FHIT: variants seen among roughly 807,000 people sequenced by gnomAD.
The protein encoded by FHIT is fragile histidine triad diadenosine triphosphatase.
In FHIT, 19 loss-of-function variants were observed where a neutral mutation model predicts 17.9. The ratio of observed to expected loss-of-function variants is 1.06; its 90% CI spans 0.74 to 1.56. The LOEUF is 1.56. FHIT is among the 40% of genes most tolerant of loss of function. The pLI, the probability that FHIT is intolerant of heterozygous loss-of-function variation, is 0.00. For synonymous variants in FHIT, 81 were observed against 69.7 expected (o/e 1.16, Z -0.81); for missense variants, 248 against 189.2 (o/e 1.31, Z -1.82).
chr3:61,202,731 A>G lies in FHIT; in HGVS notation c.-212-2066T>C, dbSNP rs192251702. On this transcript the variant is annotated intron_variant, in intron 1 of 9. Transcript: ENST00000492590. ...AGGGAAAAAAAAGAGACTTCTAGCAAAAGAACATGTCATTAGCAAAAATGA... is the reference window on the plus strand; with the variant it reads ...AGGGAAAAAAAAGAGACTTCTAGCAGAAGAACATGTCATTAGCAAAAATGA... 1.3e-3 allele frequency among the ~76,000 whole-genome samples: 196 copies of G among 152,338 alleles called. 1 individual carries two copies. Among genetic ancestry groups the G allele is most frequent in the African/African-American group, 4.6e-3 (191 of 41,584 alleles).
chr3:60,572,592 T>C (rs1303206803), intron 4 of FHIT, among the ~76,000 whole-genome samples: 1 of 152,172 alleles, frequency 6.6e-6, no homozygotes, highest in East Asian at 1.9e-4. Flanking sequence ...GTATCCAATG[T>C]GAATTCCATC....
chr3:60,168,617 T>C (rs959212308), intron 5 of FHIT, among the ~76,000 whole-genome samples: 5 of 152,200 alleles, frequency 3.3e-5, no homozygotes, highest in East Asian at 1.9e-4. Context: ...GTTGAGATTA[T>C]TGACTTCACT....
intron 2 of FHIT, among the ~76,000 whole-genome samples, chr3:61,080,811 C>T (rs1559966126): frequency 6.6e-6 from 1 of 151,750 alleles, no homozygotes; most frequent in Non-Finnish European, 1.5e-5. Flanking sequence ...AATGGGGAAA[C>T]ATTCCTGGCT....
intron 2 of FHIT, among the ~76,000 whole-genome samples, chr3:61,105,071 T>C (rs1208350543): frequency 1.3e-5 from 2 of 152,168 alleles, no homozygotes; most frequent in Non-Finnish European, 1.5e-5. Flanking sequence ...TTTCTGTTAT[T>C]TCAGCCATCT....
chr3:60,376,555 G>A (rs1166950450), intron 5 of FHIT, among the ~76,000 whole-genome samples: 2 of 152,260 alleles, frequency 1.3e-5, no homozygotes, highest in Middle Eastern at 6.8e-3. Flanking sequence ...TCTAAAATCT[G>A]TTGTGGTTGT....
At chr3:60,936,015 T>C (rs1282427804) in intron 3 of FHIT, among the ~76,000 whole-genome samples, 5 of 152,196 alleles carry the variant, frequency 3.3e-5, no homozygotes, top group African/African-American at 1.2e-4. Flanking sequence ...CAGAAACTTT[T>C]TTCTGTTGTG....
chr3:60,449,098 A>G (rs2031542615), intron 5 of FHIT, among the ~76,000 whole-genome samples: 1 of 152,212 alleles, frequency 6.6e-6, no homozygotes, highest in African/African-American at 2.4e-5. Flanking sequence ...GTTACTTCCC[A>G]GAATGCGGCT....
chr3:61,205,568 G>A (rs2039197550), intron 1 of FHIT, among the ~76,000 whole-genome samples: 1 of 152,130 alleles, frequency 6.6e-6, no homozygotes. Flanking sequence ...GTCTCTGATG[G>A]CCAGTGATGG....
chr3:60,848,787 T>C (rs890099987), intron 3 of FHIT, among the ~76,000 whole-genome samples: 20 of 152,156 alleles, frequency 1.3e-4, no homozygotes, highest in African/African-American at 4.8e-4. Context: ...TTTTTATTGT[T>C]ATGAGTTAAA....
intron 4 of FHIT, among the ~76,000 whole-genome samples, chr3:60,575,740 G>C (rs2037541867): frequency 6.6e-6 from 1 of 152,214 alleles, no homozygotes; most frequent in Non-Finnish European, 1.5e-5. Flanking sequence ...CAGGTTGTTT[G>C]TTCATCAGAA....
intron 5 of FHIT, among the ~76,000 whole-genome samples, chr3:60,507,958 A>G (rs1240737799): frequency 6.6e-6 from 1 of 152,124 alleles, no homozygotes; most frequent in Non-Finnish European, 1.5e-5. Context: ...TATCTTTGCT[A>G]TTGTGAATAG....
intron 5 of FHIT, among the ~76,000 whole-genome samples, chr3:60,068,055 G>A (rs547256730): frequency 1.3e-5 from 2 of 152,034 alleles, no homozygotes; most frequent in Non-Finnish European, 2.9e-5. Context: ...GGTCAACGTG[G>A]TGAAACCCCG....
chr3:60,577,740 C>A (rs1398617043), intron 4 of FHIT, among the ~76,000 whole-genome samples: 6 of 152,016 alleles, frequency 3.9e-5, no homozygotes, highest in Non-Finnish European at 8.8e-5. Context: ...GTTCGGCTGC[C>A]TCAGGACATT....
At chr3:60,435,022 A>G (rs1485557432) in intron 5 of FHIT, among the ~76,000 whole-genome samples, 1 of 152,182 alleles carries the variant, frequency 6.6e-6, no homozygotes, top group Non-Finnish European at 1.5e-5. Flanking sequence ...AAACAAATAA[A>G]TCTAAAGTTA....
chr3:60,878,314 A>G (rs573861368), intron 3 of FHIT, among the ~76,000 whole-genome samples: 6 of 152,188 alleles, frequency 3.9e-5, no homozygotes, highest in Non-Finnish European at 8.8e-5. Context: ...CCCTGACTCC[A>G]TAGCCACTTC....
chr3:60,576,320 G>A (rs571505011), intron 4 of FHIT, among the ~76,000 whole-genome samples: 15 of 152,046 alleles, frequency 9.9e-5, no homozygotes, highest in East Asian at 1.9e-4. Context: ...TGAGAGAAAC[G>A]TCAGGAAGCA....
At chr3:59,875,938 TAAAAAAAGAAA>T (rs1054858416) in intron 8 of FHIT, among the ~76,000 whole-genome samples, 53 of 129,388 alleles carry the variant, frequency 4.1e-4, no homozygotes, top group South Asian at 3.9e-3. Flanking sequence ...GTCTGTTTGA[TAAAAAAAGAAA>T]AAAAAAAGAA....
At chr3:60,745,373 G>C (rs535205722) in intron 4 of FHIT, among the ~76,000 whole-genome samples, 12 of 152,200 alleles carry the variant, frequency 7.9e-5, no homozygotes, top group Non-Finnish European at 1.8e-4. Context: ...ATAAAGACCA[G>C]TGAGATTGGT....
At chr3:60,674,391 A>G (rs2040575400) in intron 4 of FHIT, among the ~76,000 whole-genome samples, 1 of 152,058 alleles carries the variant, frequency 6.6e-6, no homozygotes. Flanking sequence ...GAGTTATTTC[A>G]AAGTCTGTTT....
Sources: gnomAD v4.1 joint callset for allele counts (sites outside exome capture counted in the v4.1 genomes callset) on GRCh38, gnomAD v4.1.1 for gene constraint, MANE v1.5 for transcripts, NCBI Gene and HGNC (gene_info 2026-07-23, HGNC 2026-07-21) for gene names.